Variants in CNR2 observed in about 807,000 individuals in gnomAD.
CNR2 encodes cannabinoid receptor 2.
For missense variants in CNR2, 379 were observed against 439.9 expected (o/e 0.86, Z 1.24); for synonymous variants, 172 against 182.2 (o/e 0.94, Z 0.45).
At chr1:23,903,800 G>C (rs1640442109) in intron 1 of CNR2, among the ~76,000 whole-genome samples, 1 of 152,274 alleles carries the variant, frequency 6.6e-6, no homozygotes, top group East Asian at 1.9e-4. Context: ...GTCAGGAAGG[G>C]TGGTCCTATT....
intron 1 of CNR2, among the ~76,000 whole-genome samples, chr1:23,889,066 AC>A (rs1267318251): frequency 6.6e-6 from 1 of 152,148 alleles, no homozygotes; most frequent in Non-Finnish European, 1.5e-5. Context: ...CTGTTCAGAA[AC>A]CATATGGCAC....
Position 23,900,180 on chromosome 1 carries a change from T to C in CNR2, c.-46+13066A>G, listed in dbSNP as rs1480725076. 2.0e-5 allele frequency among the ~76,000 whole-genome samples: 3 copies of C among 151,828 alleles called. No homozygotes were observed. The East Asian group carries it at 5.9e-4, about 30-fold the overall frequency. ...TTGTGGCCCCCACCCAGGAACTGAC[T>C]CAGCGCAAGAGGACAGCTTCGACCC... is the stretch of plus-strand genomic sequence containing the variant. On this transcript the variant is annotated intron_variant, in intron 1 of 1. Coordinates refer to ENST00000374472, the MANE Select transcript of CNR2 (RefSeq NM_001841.3).
At chr1:23,894,260 TA>T (rs1325520267) in intron 1 of CNR2, among the ~76,000 whole-genome samples, 2 of 150,600 alleles carry the variant, frequency 1.3e-5, no homozygotes, top group African/African-American at 4.9e-5. Flanking sequence ...ATCTCTACAG[TA>T]AAAAATACAA....
intron 1 of CNR2, among the ~76,000 whole-genome samples, chr1:23,878,193 C>G (rs4341315): frequency 0.63 from 96,083 of 151,718 alleles, 30,813 homozygotes; most frequent in African/African-American, 0.75. Flanking sequence ...GGGAAAACCC[C>G]ATCTCTACAA....
intron 1 of CNR2, among the ~76,000 whole-genome samples, chr1:23,876,985 C>T (rs772181624): frequency 3.9e-5 from 6 of 151,944 alleles, no homozygotes; most frequent in Non-Finnish European, 7.4e-5. Context: ...TTATTTGGAG[C>T]GATTCACTTT....
At chr1:23,890,677 G>A (rs1236494835) in intron 1 of CNR2, among the ~76,000 whole-genome samples, 2 of 150,918 alleles carry the variant, frequency 1.3e-5, no homozygotes, top group African/African-American at 4.9e-5. Flanking sequence ...TCCGGGAGGC[G>A]AAGTTTGCAG....
At chr1:23,892,171 G>C (rs1475273186) in intron 1 of CNR2, among the ~76,000 whole-genome samples, 1 of 152,222 alleles carries the variant, frequency 6.6e-6, no homozygotes, top group East Asian at 1.9e-4. Flanking sequence ...TGAACTAGAA[G>C]GATGGTGCCT....
chr1:23,876,385 G>GT (rs1639874971), intron 1 of CNR2, among the ~76,000 whole-genome samples: 1 of 151,542 alleles, frequency 6.6e-6, no homozygotes, highest in Non-Finnish European at 1.5e-5. Flanking sequence ...TGTACTTTTA[G>GT]TAGAGACCGG....
intron 1 of CNR2, among the ~76,000 whole-genome samples, chr1:23,887,620 C>T (rs1459680410): frequency 6.6e-6 from 1 of 152,192 alleles, no homozygotes; most frequent in Admixed American, 6.5e-5. Flanking sequence ...CTTTGGACAG[C>T]TATAAATCCC....
chr1:23,890,465 G>C (rs558276045), intron 1 of CNR2, among the ~76,000 whole-genome samples: 1 of 151,840 alleles, frequency 6.6e-6, no homozygotes, highest in Non-Finnish European at 1.5e-5. Context: ...AAACAGACCC[G>C]CTGGGCGAGG....
At chr1:23,880,263 C>T (rs12747718) in intron 1 of CNR2, among the ~76,000 whole-genome samples, 128,133 of 150,194 alleles carry the variant, frequency 0.85, 55,011 homozygotes, top group Middle Eastern at 0.91. Flanking sequence ...CTGCAACCTC[C>T]GCCTCCCAGG....
intron 1 of CNR2, among the ~76,000 whole-genome samples, chr1:23,886,765 C>G (rs1262196053): frequency 6.6e-6 from 1 of 152,250 alleles, no homozygotes; most frequent in African/African-American, 2.4e-5. Context: ...TGCCTAAGGT[C>G]ACCCAACATA....
intron 1 of CNR2, among the ~76,000 whole-genome samples, chr1:23,903,032 G>C (rs1182938970): frequency 6.6e-6 from 1 of 151,778 alleles, no homozygotes. Flanking sequence ...GAGGTCGGGC[G>C]CTGAGCGACG....
intron 1 of CNR2, among the ~76,000 whole-genome samples, chr1:23,890,352 G>T (rs1323953330): frequency 6.6e-6 from 1 of 151,742 alleles, no homozygotes. Context: ...AGCCAAGGCA[G>T]ATAGAACAAT....
At chr1:23,899,919 AAG>A (rs1199828752) in intron 1 of CNR2, among the ~76,000 whole-genome samples, 223 of 2,872 alleles carry the variant, frequency 0.078, 4 homozygotes, top group African/African-American at 0.044. Context: ...GAAAGAAAGA[AAG>A]AGAAAGAAAG....
At chr1:23,902,833 C>T in intron 1 of CNR2, 1 of 1,261,270 alleles carries the variant, frequency 7.9e-7, no homozygotes, top group Non-Finnish European at 9.9e-7. Flanking sequence ...GCTGCCCGGC[C>T]TTCCTGCCCA....
chr1:23,875,693 TTTTTC>T (rs1440451355), intron 1 of CNR2, 31 bp from the exon 2 acceptor site: 13 of 1,494,688 alleles, frequency 8.7e-6, no homozygotes, highest in Non-Finnish European at 1.2e-5. Flanking sequence ...GAAAATAATC[TTTTTC>T]AGTAAGCACA....
At chr1:23,890,861 C>A (rs1169409907) in intron 1 of CNR2, among the ~76,000 whole-genome samples, 2 of 145,752 alleles carry the variant, frequency 1.4e-5, no homozygotes, top group African/African-American at 2.5e-5. Context: ...TTCTCTTAGT[C>A]CCCCTCTGGT....
chr1:23,886,968 C>T (rs1469622822), intron 1 of CNR2, among the ~76,000 whole-genome samples: 1 of 152,152 alleles, frequency 6.6e-6, no homozygotes, highest in Admixed American at 6.5e-5. Context: ...TGCAGTGGCA[C>T]AATCTCGGCT....
Sources: gnomAD v4.1 joint callset for allele counts (sites outside exome capture counted in the v4.1 genomes callset) on GRCh38, gnomAD v4.1.1 for gene constraint, MANE v1.5 for transcripts, NCBI Gene and HGNC (gene_info 2026-07-23, HGNC 2026-07-21) for gene names.